Variants in KCNK1 observed in about 807,000 individuals in gnomAD.
The protein encoded by KCNK1 is potassium channel subfamily K member 1.
In KCNK1, 10 loss-of-function variants were observed where a neutral mutation model predicts 22.2. The observed-to-expected ratio is 0.45, with a 90% CI of 0.28 to 0.76. The LOEUF is 0.76. Ranked by LOEUF, KCNK1 falls within the 30% of genes least tolerant of loss-of-function variation. The pLI is 0.14. For missense variants in KCNK1, 378 were observed against 421.0 expected (o/e 0.90, Z 0.89); for synonymous variants, 200 against 186.4 (o/e 1.07, Z -0.60).
At position 233,671,295 on chromosome 1, in the gene KCNK1, C is replaced by A; in HGVS notation, c.776C>A (p.Ala259Asp). ...ITCYLLLGLI[A>D]MLVVLETFCE... is the part of the protein sequence containing the mutation. Reference sequence around the variant, plus strand: ...GGTTACCTGCTACTTGGCCTTATTGCCATGTTGGTAGTTCTGGAAACCTTC... The same window carrying A: ...GGTTACCTGCTACTTGGCCTTATTGACATGTTGGTAGTTCTGGAAACCTTC... The change falls in exon 3 of 3, where the codon GCC (alanine) becomes GAC (aspartate). Residue 259 changes from alanine to aspartate, a missense_variant. Physicochemically the swap from Ala to Asp is moderately radical, Grantham distance 126 (BLOSUM62 -2). Transcript: ENST00000366621. 2 of 1,614,100 alleles carry A rather than the reference C, an allele frequency of 1.2e-6. No homozygotes were observed. The highest frequency in any genetic ancestry group is 1.7e-6 in the Non-Finnish European group (2 of 1,179,958).
chr1:233,655,495 T>C (rs993550309), intron 1 of KCNK1, among the ~76,000 whole-genome samples: 9 of 152,134 alleles, frequency 5.9e-5, no homozygotes, highest in African/African-American at 2.2e-4. Flanking sequence ...GGACATGAAA[T>C]TTTGGGATGC....
In KCNK1 at chr1:233,626,996, A is replaced by G. The variant is rs1278724960; in HGVS notation, c.355+12470A>G. On this transcript the variant is annotated intron_variant, in intron 1 of 2. Transcript: ENST00000366621. The stretch of plus-strand genomic sequence containing the variant: ...AGGTGGTTTCTGTTTTTAGGAAGTA[A>G]GTAAGTAAAACATGATTTTTTTTTT... 2.0e-5 allele frequency among the ~76,000 whole-genome samples: 3 copies of G among 152,210 alleles called. No homozygotes were observed. The East Asian group carries it at 5.8e-4, about 30-fold the overall frequency.
intron 1 of KCNK1, among the ~76,000 whole-genome samples, chr1:233,666,314 G>A (rs1303002385): frequency 6.6e-6 from 1 of 152,134 alleles, no homozygotes; most frequent in Non-Finnish European, 1.5e-5. Context: ...CAGAACTTGT[G>A]TTTGAGCCTG....
At chr1:233,620,819 G>A (rs1657573274) in intron 1 of KCNK1, among the ~76,000 whole-genome samples, 3 of 151,902 alleles carry the variant, frequency 2.0e-5, no homozygotes, top group African/African-American at 7.3e-5. Context: ...GTTATAAAAA[G>A]ATAAATAGTT....
At chr1:233,627,145 T>C (rs1385115975) in intron 1 of KCNK1, among the ~76,000 whole-genome samples, 1 of 152,200 alleles carries the variant, frequency 6.6e-6, no homozygotes, top group Admixed American at 6.5e-5. Context: ...GTGATTTTCA[T>C]TTTTACTGCA....
At chr1:233,645,937 A>G (rs1350982311) in intron 1 of KCNK1, among the ~76,000 whole-genome samples, 2 of 152,148 alleles carry the variant, frequency 1.3e-5, no homozygotes, top group Non-Finnish European at 2.9e-5. Context: ...GCTTCTTGGT[A>G]TTTGGTCTGA....
At chr1:233,665,505 T>A (rs1382043259) in intron 1 of KCNK1, among the ~76,000 whole-genome samples, 1 of 145,824 alleles carries the variant, frequency 6.9e-6, no homozygotes, top group African/African-American at 2.5e-5. Context: ...AATAGATAAG[T>A]GTTACAGATC....
intron 1 of KCNK1, among the ~76,000 whole-genome samples, chr1:233,651,702 G>A (rs1206989318): frequency 2.6e-5 from 4 of 152,216 alleles, no homozygotes; most frequent in African/African-American, 9.6e-5. Flanking sequence ...ATAGAAAGGT[G>A]GGTCTGTGTT....
At chr1:233,640,817 G>A (rs1033316209) in intron 1 of KCNK1, among the ~76,000 whole-genome samples, 7 of 152,092 alleles carry the variant, frequency 4.6e-5, no homozygotes, top group African/African-American at 1.7e-4. Context: ...TGATTCTCAG[G>A]CCTCGGCCTC....
chr1:233,622,801 G>A (rs1446605495), intron 1 of KCNK1, among the ~76,000 whole-genome samples: 1 of 152,180 alleles, frequency 6.6e-6, no homozygotes, highest in Non-Finnish European at 1.5e-5. Flanking sequence ...ACAGCTGATT[G>A]TTATATTGAT....
At chr1:233,631,187 C>T (rs564904122) in intron 1 of KCNK1, 5 of 480,420 alleles carry the variant, frequency 1.0e-5, no homozygotes, top group South Asian at 4.6e-5. Context: ...TTTATACCTA[C>T]GTGGTAACTG....
chr1:233,659,193 T>A (rs1658349362), intron 1 of KCNK1, among the ~76,000 whole-genome samples: 1 of 151,720 alleles, frequency 6.6e-6, no homozygotes, highest in South Asian at 2.1e-4. Context: ...TTTTTCAGTT[T>A]TTTTTTACTT....
intron 1 of KCNK1, among the ~76,000 whole-genome samples, chr1:233,618,109 G>A (rs1015528277): frequency 2.0e-5 from 3 of 152,156 alleles, no homozygotes; most frequent in Non-Finnish European, 2.9e-5. Context: ...TTCAAAGGAA[G>A]GGCAGAGCTT....
chr1:233,625,157 G>A (rs892579068), intron 1 of KCNK1, among the ~76,000 whole-genome samples: 6 of 152,150 alleles, frequency 3.9e-5, no homozygotes, highest in Non-Finnish European at 7.3e-5. Context: ...GTATAAACAG[G>A]TGTGTAAAAA....
chr1:233,653,020 T>A (rs1658227157), intron 1 of KCNK1, among the ~76,000 whole-genome samples: 1 of 152,228 alleles, frequency 6.6e-6, no homozygotes, highest in African/African-American at 2.4e-5. Flanking sequence ...TGGAGCCCCA[T>A]CCCCCAGCCA....
At chr1:233,647,207 C>G (rs1265709663) in intron 1 of KCNK1, among the ~76,000 whole-genome samples, 1 of 152,190 alleles carries the variant, frequency 6.6e-6, no homozygotes, top group Non-Finnish European at 1.5e-5. Flanking sequence ...TGACTTTGTT[C>G]CAGATGAAAT....
In KCNK1 at chr1:233,666,717, G is replaced by A. The variant is rs372727640; in HGVS notation, c.478G>A (p.Val160Ile). 39 of 1,613,934 alleles carry A rather than the reference G, an allele frequency of 2.4e-5. 1 individual carries two copies. The highest frequency in any genetic ancestry group is 1.5e-4 in the South Asian group (14 of 91,078). Residue 160 changes from valine to isoleucine, a missense_variant, in exon 2 of 3, where the codon GTC becomes ATC. By Grantham distance (29) the Val-to-Ile change is conservative (BLOSUM62 3). Coordinates refer to ENST00000366621, the MANE Select transcript of KCNK1 (RefSeq NM_002245.4). ...TGTGGTCCAGCGCATCACCGTGCAC[G>A]TCACCCGCAGGCCGGTCCTCTACTT... ...TAVVQRITVH[V>I]TRRPVLYFHI...
chr1:233,628,187 G>A (rs1398181570), intron 1 of KCNK1, among the ~76,000 whole-genome samples: 1 of 152,176 alleles, frequency 6.6e-6, no homozygotes, highest in Non-Finnish European at 1.5e-5. Flanking sequence ...TCACTGGCTT[G>A]GGGAATGGAG....
rs150144675 is a variant in KCNK1 at position 233,621,544 on chromosome 1, C to T, written c.355+7018C>T. ...TTTTAGAGCGCAATATAGTAATCCA[C>T]GTCCTTGAATCATCAAGAAAAATAT... On this transcript the variant is annotated intron_variant, in intron 1 of 2. Transcript: ENST00000366621. Among the ~76,000 whole-genome samples, 135 of 152,284 alleles carry T rather than the reference C, an allele frequency of 8.9e-4. 1 individual carries two copies. The highest frequency in any genetic ancestry group is 8.8e-5 in the Non-Finnish European group (6 of 68,018).
Sources: gnomAD v4.1 joint callset for allele counts (sites outside exome capture counted in the v4.1 genomes callset) on GRCh38, gnomAD v4.1.1 for gene constraint, MANE v1.5 for transcripts, NCBI Gene and HGNC (gene_info 2026-07-23, HGNC 2026-07-21) for gene names.